Variants in SVIL observed in about 807,000 individuals in gnomAD.
SVIL encodes supervillin.
A neutral mutation model predicts 240.4 loss-of-function variants in SVIL; 101 were observed. That is an observed-to-expected ratio of 0.42 (90% CI 0.36 to 0.50). SVIL has a LOEUF of 0.50. Ranked by LOEUF, SVIL falls within the 20% of genes least tolerant of loss-of-function variation. The pLI, the probability that SVIL is intolerant of heterozygous loss-of-function variation, is 0.01. For missense variants in SVIL, 2,512 were observed against 2,818.7 expected, an observed-to-expected ratio of 0.89 and a Z score of 2.46; for synonymous variants, 999 against 1,100.0, an observed-to-expected ratio of 0.91 and a Z score of 1.82.
Position 29,516,663 on chromosome 10 carries a change from G to A in SVIL, c.3390-3802C>T, listed in dbSNP as rs1289592356. ...TGTTTGCAGGACTGTGATGCTGGGAGCCTGGGCAGTGGCTAGGCCTGGGCT... is the reference window on the plus strand; with the variant it reads ...TGTTTGCAGGACTGTGATGCTGGGAACCTGGGCAGTGGCTAGGCCTGGGCT... On this transcript the variant is annotated intron_variant, in intron 16 of 37. Coordinates refer to ENST00000355867, the MANE Select transcript of SVIL (RefSeq NM_021738.3). Among the ~76,000 whole-genome samples the A allele has an allele frequency of 5.3e-5, 8 of 152,258 alleles. No individual in the cohort carries two copies. The East Asian group carries it at 1.5e-3, about 29-fold the overall frequency.
At position 29,704,652 on chromosome 10, in the gene SVIL, AT is replaced by A. The variant is rs567472443; in HGVS notation, c.-399-18002del. Among the ~76,000 whole-genome samples the A allele has an allele frequency of 1.4e-4, 22 of 152,274 alleles. No individual in the cohort carries two copies. In the East Asian group the frequency reaches 4.0e-3, roughly 28 times the overall value. On this transcript the variant is annotated intron_variant, in intron 1 of 35. Transcript: ENST00000375400. The stretch of plus-strand genomic sequence containing the variant: ...TTCTCAGTTTATTGATCATTTGATC[AT>A]TTCCCCCCGCAAATTGTTCCCTTCA...
chr10:29,718,807 C>T lies in SVIL; in HGVS notation c.-400+16944G>A, dbSNP rs191632836. Among the ~76,000 whole-genome samples the T allele has an allele frequency of 3.3e-5, 5 of 152,200 alleles. No homozygotes were observed. In the East Asian group the frequency reaches 9.7e-4, roughly 29 times the overall value. ...TGATGCAAAACAGTGTCTGTTTCCA[C>T]CTGATAGAATGGAAAAACTCAGCCA... On this transcript the variant is annotated intron_variant, in intron 1 of 35. Transcript: ENST00000375400.
At chr10:29,628,280 T>C (rs898677042) in intron 1 of SVIL, among the ~76,000 whole-genome samples, 7 of 152,162 alleles carry the variant, frequency 4.6e-5, no homozygotes, top group African/African-American at 1.7e-4. Flanking sequence ...CTGGAGCGGT[T>C]TGTTTGTTTT....
At chr10:29,591,324 CAAG>C (rs1956381492) in intron 1 of SVIL, among the ~76,000 whole-genome samples, 1 of 152,158 alleles carries the variant, frequency 6.6e-6, no homozygotes, top group African/African-American at 2.4e-5. Flanking sequence ...CCCATGCCCT[CAAG>C]AAGAACCTGT....
At chr10:29,724,852 T>A (rs1177078136) in intron 1 of SVIL, among the ~76,000 whole-genome samples, 2 of 151,764 alleles carry the variant, frequency 1.3e-5, no homozygotes, top group East Asian at 3.9e-4. Flanking sequence ...TGAAACCCCG[T>A]CTCCACCAAA....
At chr10:29,500,553 G>A (rs78166127) in intron 17 of SVIL, among the ~76,000 whole-genome samples, 12,298 of 152,202 alleles carry the variant, frequency 0.081, 649 homozygotes, top group Admixed American at 0.16. Flanking sequence ...TAGCGCATCC[G>A]CTTTCAAACT....
intron 1 of SVIL, among the ~76,000 whole-genome samples, chr10:29,623,882 T>C (rs1253640213): frequency 1.3e-5 from 2 of 152,034 alleles, no homozygotes; most frequent in African/African-American, 4.8e-5. Flanking sequence ...AACACAGTCA[T>C]TTGCCATGGT....
intron 1 of SVIL, among the ~76,000 whole-genome samples, chr10:29,632,285 G>A (rs1958127597): frequency 6.6e-6 from 1 of 152,130 alleles, no homozygotes; most frequent in South Asian, 2.1e-4. Context: ...GAGGTCAGGA[G>A]TTCAAGACCA....
intron 2 of SVIL, among the ~76,000 whole-genome samples, chr10:29,664,062 C>T (rs778859673): frequency 1.3e-5 from 2 of 152,104 alleles, no homozygotes; most frequent in African/African-American, 4.8e-5. Context: ...ATGACCTTCC[C>T]GTGTATCCCA....
At chr10:29,635,315 A>G (rs1401736031), upstream of SVIL, among the ~76,000 whole-genome samples, 1 of 152,226 alleles carries the variant, frequency 6.6e-6, no homozygotes, top group Non-Finnish European at 1.5e-5. Context: ...ACAGACATAT[A>G]TACAATGAAT....
chr10:29,579,777 G>A (rs1285466574), intron 1 of SVIL, among the ~76,000 whole-genome samples: 5 of 152,232 alleles, frequency 3.3e-5, no homozygotes, highest in East Asian at 3.9e-4. Flanking sequence ...GGGAGAAAAC[G>A]AGGGCAAAGC....
intron 18 of SVIL, among the ~76,000 whole-genome samples, chr10:29,498,088 C>CAAAAAAAAAAAA (rs34280398): frequency 2.7e-4 from 10 of 37,480 alleles, no homozygotes; most frequent in South Asian, 9.2e-4. Flanking sequence ...TCCCCTCCAC[C>CAAAAAAAAAAAA]AAAAAAAAAA....
At chr10:29,729,037 C>T (rs936040257) in intron 1 of SVIL, among the ~76,000 whole-genome samples, 2 of 152,148 alleles carry the variant, frequency 1.3e-5, no homozygotes, top group South Asian at 2.1e-4. Flanking sequence ...GGGTGAGGGG[C>T]GGTGTTAGGA....
At chr10:29,512,645 G>A in intron 17 of SVIL, 90 bp downstream of exon 17, 3 of 1,604,422 alleles carry the variant, frequency 1.9e-6, no homozygotes, top group Non-Finnish European at 2.6e-6. Flanking sequence ...GCTTCACAGA[G>A]TAGGAATTAG....
At chr10:29,513,976 TA>T (rs911399485) in intron 16 of SVIL, among the ~76,000 whole-genome samples, 2 of 90,406 alleles carry the variant, frequency 2.2e-5, no homozygotes, top group African/African-American at 9.5e-5. Context: ...ATGGGAAAGA[TA>T]AAAGGTAAAA....
At chr10:29,710,348 C>T (rs1338839201) in intron 1 of SVIL, among the ~76,000 whole-genome samples, 3 of 152,174 alleles carry the variant, frequency 2.0e-5, no homozygotes, top group Non-Finnish European at 2.9e-5. Context: ...TGAGCCACCA[C>T]GCCCAGCCAA....
intron 6 of SVIL, among the ~76,000 whole-genome samples, chr10:29,549,187 CA>C (rs1952986699): frequency 7.0e-6 from 1 of 142,932 alleles, no homozygotes; most frequent in Non-Finnish European, 1.5e-5. Flanking sequence ...AACAAACAAA[CA>C]ACCCCATCAA....
chr10:29,651,649 T>TCTCTCTCTCTCTCTC (rs1958841181), intron 3 of SVIL, among the ~76,000 whole-genome samples: 1 of 151,850 alleles, frequency 6.6e-6, no homozygotes, highest in Non-Finnish European at 1.5e-5. Context: ...TCTCTCTCTC[T>TCTCTCTCTCTCTCTC]GTTTTCATCC....
At chr10:29,574,801 C>A (rs1955614889) in intron 1 of SVIL, among the ~76,000 whole-genome samples, 1 of 152,156 alleles carries the variant, frequency 6.6e-6, no homozygotes, top group Non-Finnish European at 1.5e-5. Flanking sequence ...AAGGGGCCAG[C>A]CTGACCCCAG....
Sources: allele counts gnomAD v4.1 joint callset (sites outside exome capture counted in the v4.1 genomes callset), GRCh38; gene constraint gnomAD v4.1.1; transcripts MANE v1.5; gene names NCBI Gene and HGNC (gene_info 2026-07-23, HGNC 2026-07-21).